The following KIF16B variants were observed in gnomAD, a reference collection of about 807,000 sequenced individuals.
KIF16B encodes the protein kinesin family member 16B, also known as kinesin-like protein KIF16B.
Under a neutral mutation model 156.3 loss-of-function variants are expected in KIF16B, and 98 were observed. The ratio of observed to expected loss-of-function variants is 0.63; its 90% CI spans 0.53 to 0.74. The LOEUF is 0.74. Ranked by LOEUF, KIF16B falls within the 30% of genes least tolerant of loss-of-function variation. The pLI, the probability that KIF16B is intolerant of heterozygous loss-of-function variation, is 0.00. For missense variants in KIF16B, 1,421 were observed against 1,606.5 expected (o/e 0.88, Z 1.97); for synonymous variants, 564 against 583.7 (o/e 0.97, Z 0.49).
chr20:16,354,519 A>C (rs1197940283), intron 23 of KIF16B, among the ~76,000 whole-genome samples: 1 of 151,716 alleles, frequency 6.6e-6, no homozygotes, highest in Non-Finnish European at 1.5e-5. Flanking sequence ...CACAATTTAG[A>C]ATGGTTGAGA....
Position 16,522,242 on chromosome 20 carries a change from C to G in KIF16B, c.231+3850G>C, listed in dbSNP as rs536595940. On this transcript the variant is annotated intron_variant, in intron 3 of 25. Coordinates refer to ENST00000354981, the MANE Select transcript of KIF16B (RefSeq NM_024704.5). ...CACAGACTGGCAAATTAGATAGAGTCAAGACCCATTGGTGTGCTGTATTCA... is the reference window on the plus strand; with the variant it reads ...CACAGACTGGCAAATTAGATAGAGTGAAGACCCATTGGTGTGCTGTATTCA... 3.3e-5 allele frequency among the ~76,000 whole-genome samples: 5 copies of G among 152,224 alleles called. No individual in the cohort carries two copies. The South Asian group carries it at 1.0e-3, about 32-fold the overall frequency.
intron 24 of KIF16B, among the ~76,000 whole-genome samples, chr20:16,334,714 A>G (rs1489370645): frequency 6.6e-6 from 1 of 152,080 alleles, no homozygotes; most frequent in Non-Finnish European, 1.5e-5. Context: ...TGTGAAAAAG[A>G]GTCTAGGACC....
At chr20:16,297,613 G>A (rs984828667) in intron 25 of KIF16B, among the ~76,000 whole-genome samples, 1 of 151,120 alleles carries the variant, frequency 6.6e-6, no homozygotes, top group Admixed American at 6.6e-5. Context: ...GGAGAATGGC[G>A]TGAACCCAGG....
At chr20:16,276,040 G>A (rs749698890) in intron 25 of KIF16B, among the ~76,000 whole-genome samples, 1 of 152,222 alleles carries the variant, frequency 6.6e-6, no homozygotes, top group Non-Finnish European at 1.5e-5. Context: ...AGCAAGGCTC[G>A]CTGCACAGGC....
intron 23 of KIF16B, among the ~76,000 whole-genome samples, chr20:16,354,630 T>C (rs1226581364): frequency 6.6e-6 from 1 of 152,126 alleles, no homozygotes; most frequent in Non-Finnish European, 1.5e-5. Flanking sequence ...AGAACCCACA[T>C]AATTGGATAA....
intron 15 of KIF16B, 72 bp downstream of exon 15, chr20:16,427,032 T>C: frequency 7.7e-7 from 1 of 1,300,928 alleles, no homozygotes; most frequent in Non-Finnish European, 1.0e-6. Flanking sequence ...ATGCACATGT[T>C]CCCCCATTGC....
At chr20:16,478,929 T>C (rs2067897191) in intron 12 of KIF16B, among the ~76,000 whole-genome samples, 1 of 152,182 alleles carries the variant, frequency 6.6e-6, no homozygotes, top group Non-Finnish European at 1.5e-5. Flanking sequence ...ACCTACTCAA[T>C]AACCCAGCAA....
At chr20:16,277,895 C>G (rs1479310052) in intron 25 of KIF16B, among the ~76,000 whole-genome samples, 1 of 152,132 alleles carries the variant, frequency 6.6e-6, no homozygotes, top group African/African-American at 2.4e-5. Context: ...TCAGGGACCA[C>G]AGAAGGCCTG....
chr20:16,402,434 A>T (rs1269052481), intron 17 of KIF16B, among the ~76,000 whole-genome samples: 1 of 152,208 alleles, frequency 6.6e-6, no homozygotes, highest in Non-Finnish European at 1.5e-5. Flanking sequence ...TTCAGAGAGG[A>T]TTTGTTGACA....
At chr20:16,521,234 T>C (rs6131838) in intron 3 of KIF16B, among the ~76,000 whole-genome samples, 36,189 of 151,526 alleles carry the variant, frequency 0.24, 4,935 homozygotes, top group East Asian at 0.36. Flanking sequence ...GCTAAAGGAG[T>C]ATGTTCTAAC....
chr20:16,400,769 G>A (rs1292719454), intron 17 of KIF16B, among the ~76,000 whole-genome samples: 1 of 152,202 alleles, frequency 6.6e-6, no homozygotes, highest in South Asian at 2.1e-4. Flanking sequence ...AGTGAGAAGA[G>A]GACACACCAG....
At chr20:16,511,345 A>G (rs945844870) in intron 6 of KIF16B, 73 bp downstream of exon 6, 5 of 817,212 alleles carry the variant, frequency 6.1e-6, no homozygotes, top group East Asian at 5.1e-5. Flanking sequence ...CCATTATGCT[A>G]TATTTTTTCA....
At chr20:16,305,281 AC>A (rs1414403433) in intron 25 of KIF16B, among the ~76,000 whole-genome samples, 1 of 152,140 alleles carries the variant, frequency 6.6e-6, no homozygotes, top group African/African-American at 2.4e-5. Flanking sequence ...AAGCCCAAAA[AC>A]TAAAAATAAA....
At chr20:16,384,775 T>C (rs1056162412) in intron 17 of KIF16B, among the ~76,000 whole-genome samples, 1 of 152,116 alleles carries the variant, frequency 6.6e-6, no homozygotes, top group Admixed American at 6.5e-5. Context: ...CCCATGCTCA[T>C]GTGTGACACA....
intron 6 of KIF16B, among the ~76,000 whole-genome samples, chr20:16,511,033 G>A (rs944356866): frequency 6.6e-6 from 1 of 152,176 alleles, no homozygotes; most frequent in South Asian, 2.1e-4. Context: ...ACACACTTCC[G>A]AAGACGCAAG....
chr20:16,553,747 G>A (rs2070745844), intron 1 of KIF16B, among the ~76,000 whole-genome samples: 1 of 152,236 alleles, frequency 6.6e-6, no homozygotes. Context: ...TGGTCCACCT[G>A]CAGCAACCGC....
intron 23 of KIF16B, among the ~76,000 whole-genome samples, chr20:16,341,293 T>C (rs922840908): frequency 1.3e-5 from 2 of 152,170 alleles, no homozygotes; most frequent in African/African-American, 4.8e-5. Context: ...CTATAGTTGG[T>C]TTGCTTAAAG....
chr20:16,505,590 C>T, intron 9 of KIF16B, 132 bp downstream of exon 9: 3 of 790,474 alleles, frequency 3.8e-6, no homozygotes, highest in Non-Finnish European at 5.9e-6. Context: ...TGATTTTCCT[C>T]AAGATAGAAA....
At chr20:16,295,271 G>A (rs138228581) in intron 25 of KIF16B, among the ~76,000 whole-genome samples, 1 of 152,156 alleles carries the variant, frequency 6.6e-6, no homozygotes, top group African/African-American at 2.4e-5. Context: ...GCTGGCCTGA[G>A]GTCTGTGGAG....
Sources: allele counts gnomAD v4.1 joint callset (sites outside exome capture counted in the v4.1 genomes callset), GRCh38; gene constraint gnomAD v4.1.1; transcripts MANE v1.5; gene names NCBI Gene and HGNC (gene_info 2026-07-23, HGNC 2026-07-21).